Variants in MCTP1 observed in about 807,000 individuals in gnomAD.
The protein encoded by MCTP1 is multiple C2 and transmembrane domain containing 1, also known as multiple C2 and transmembrane domain-containing protein 1.
MCTP1 carries 69 observed loss-of-function variants against 120.6 expected under a neutral mutation model. The ratio of observed to expected loss-of-function variants is 0.57; its 90% CI spans 0.47 to 0.70. MCTP1 has a LOEUF of 0.70. Among genes scored for constraint, MCTP1 ranks in the 30% least tolerant of loss-of-function variants. The pLI is 0.00. For synonymous variants in MCTP1, 529 were observed against 493.1 expected (o/e 1.07, Z -0.96); for missense variants, 1,203 against 1,248.8 (o/e 0.96, Z 0.55).
At chr5:95,216,425 G>A (rs1032537450) in intron 1 of MCTP1, among the ~76,000 whole-genome samples, 4 of 152,138 alleles carry the variant, frequency 2.6e-5, no homozygotes, top group African/African-American at 9.7e-5. Context: ...CTATCCTGTA[G>A]GTTGTCCATT....
chr5:95,069,867 T>TTTTTTA (rs1054754625), intron 1 of MCTP1, among the ~76,000 whole-genome samples: 8 of 151,960 alleles, frequency 5.3e-5, no homozygotes, highest in Non-Finnish European at 1.2e-4. Context: ...CCCGGCTATT[T>TTTTTTA]TTTTTATTTT....
intron 19 of MCTP1, among the ~76,000 whole-genome samples, chr5:94,777,306 TG>T (rs1404915893): frequency 6.6e-6 from 1 of 152,196 alleles, no homozygotes; most frequent in Non-Finnish European, 1.5e-5. Context: ...TCCAGAGATT[TG>T]GTGTTGTTTC....
At chr5:95,009,150 T>C (rs1003224189) in intron 2 of MCTP1, among the ~76,000 whole-genome samples, 1 of 150,890 alleles carries the variant, frequency 6.6e-6, no homozygotes, top group Non-Finnish European at 1.5e-5. Flanking sequence ...TCTTGATTGT[T>C]GGAGTCCTGG....
chr5:94,872,741 G>A (rs773857604), intron 13 of MCTP1, among the ~76,000 whole-genome samples: 35 of 152,132 alleles, frequency 2.3e-4, no homozygotes, highest in African/African-American at 4.6e-4. Context: ...AGCATCTGCC[G>A]AATTCGAGAC....
At chr5:95,035,988 G>A (rs1841229229) in intron 1 of MCTP1, among the ~76,000 whole-genome samples, 1 of 151,902 alleles carries the variant, frequency 6.6e-6, no homozygotes, top group Non-Finnish European at 1.5e-5. Context: ...AGTATTTATT[G>A]GACCTGAGAA....
At chr5:95,037,539 TA>T (rs1841559896) in intron 1 of MCTP1, among the ~76,000 whole-genome samples, 1 of 152,178 alleles carries the variant, frequency 6.6e-6, no homozygotes, top group Non-Finnish European at 1.5e-5. Flanking sequence ...ATGTGTAGTA[TA>T]TATTGGTCTA....
chr5:95,091,512 G>A (rs936100308), intron 1 of MCTP1, among the ~76,000 whole-genome samples: 4 of 152,098 alleles, frequency 2.6e-5, no homozygotes, highest in Non-Finnish European at 5.9e-5. Flanking sequence ...AAAAGGTTGT[G>A]CAGCTACCCC....
chr5:94,946,161 G>T (rs1818861142), intron 3 of MCTP1, among the ~76,000 whole-genome samples: 2 of 152,190 alleles, frequency 1.3e-5, no homozygotes, highest in African/African-American at 4.8e-5. Flanking sequence ...TGCCTCTCCA[G>T]TTCTCTATCA....
intron 2 of MCTP1, among the ~76,000 whole-genome samples, chr5:95,010,800 T>C (rs1562012395): frequency 6.6e-6 from 1 of 152,120 alleles, no homozygotes; most frequent in Non-Finnish European, 1.5e-5. Flanking sequence ...TTTGATACTA[T>C]AAGAAAATCA....
In MCTP1 at chr5:95,211,890, G is replaced by A. The variant is rs181598344; in HGVS notation, c.720+71966C>T. ...CTTTCTGTTTGTTAGTTTTCCTTCT[G>A]ACAGACAGGACCCTCAGCTGCAGGT... On this transcript the variant is annotated intron_variant, in intron 1 of 22. Coordinates refer to ENST00000515393, the MANE Select transcript of MCTP1 (RefSeq NM_024717.7). 5.1e-4 allele frequency among the ~76,000 whole-genome samples: 77 copies of A among 152,168 alleles called. 1 individual carries two copies. Among genetic ancestry groups the A allele is most frequent in the Non-Finnish European group, 9.0e-4 (61 of 67,980 alleles).
chr5:95,103,724 TC>T (rs1324234398), intron 1 of MCTP1, among the ~76,000 whole-genome samples: 3 of 152,160 alleles, frequency 2.0e-5, no homozygotes, highest in Non-Finnish European at 4.4e-5. Context: ...TGTAGGGGAT[TC>T]CAAGTAATAA....
At chr5:95,283,507 T>C (rs1379778122) in intron 1 of MCTP1, among the ~76,000 whole-genome samples, 1 of 152,228 alleles carries the variant, frequency 6.6e-6, no homozygotes, top group Non-Finnish European at 1.5e-5. Flanking sequence ...GTTTTTAAGT[T>C]ATTGGGTTAG....
At position 95,122,125 on chromosome 5, in the gene MCTP1, A is replaced by G. The variant is rs117563005; in HGVS notation, c.721-104641T>C. Among the ~76,000 whole-genome samples the G allele has an allele frequency of 3.3e-5, 5 of 152,294 alleles. No homozygotes were observed. The East Asian group carries it at 9.6e-4, about 29-fold the overall frequency. ...GAGTAATACCCCACAAGCTCAGGCA[A>G]TCAAACCAAAAATGGACAAATTGGA... On this transcript the variant is annotated intron_variant, in intron 1 of 22. Transcript: ENST00000515393.
intron 5 of MCTP1, among the ~76,000 whole-genome samples, chr5:94,938,863 C>T (rs938012142): frequency 3.3e-5 from 5 of 152,024 alleles, no homozygotes; most frequent in East Asian, 3.9e-4. Context: ...TCTAAGATGA[C>T]GGGCTTTCAT....
At chr5:94,734,275 A>AT (rs1763722620) in intron 19 of MCTP1, among the ~76,000 whole-genome samples, 1 of 152,160 alleles carries the variant, frequency 6.6e-6, no homozygotes, top group Non-Finnish European at 1.5e-5. Context: ...AATCATTAAT[A>AT]TTTTTTAGGA....
intron 1 of MCTP1, chr5:95,081,661 C>T: frequency 7.6e-7 from 1 of 1,322,674 alleles, no homozygotes; most frequent in Middle Eastern, 2.4e-4. Context: ...TAAGAAGAAC[C>T]CGTGATGTTT....
At chr5:95,051,428 A>G (rs577767548) in intron 1 of MCTP1, among the ~76,000 whole-genome samples, 1 of 152,216 alleles carries the variant, frequency 6.6e-6, no homozygotes, top group South Asian at 2.1e-4. Flanking sequence ...GGTCACCCAG[A>G]TCTGTGACAG....
At chr5:95,117,954 G>A (rs911022717) in intron 1 of MCTP1, among the ~76,000 whole-genome samples, 1 of 152,158 alleles carries the variant, frequency 6.6e-6, no homozygotes, top group African/African-American at 2.4e-5. Context: ...ATAAATGGGA[G>A]CTGAACAATG....
intron 10 of MCTP1, among the ~76,000 whole-genome samples, chr5:94,907,249 A>G (rs1807151708): frequency 6.6e-6 from 1 of 152,248 alleles, no homozygotes; most frequent in Non-Finnish European, 1.5e-5. Flanking sequence ...ATGATGATGC[A>G]TCATAGTTAT....
Sources: allele counts gnomAD v4.1 joint callset (sites outside exome capture counted in the v4.1 genomes callset), GRCh38; gene constraint gnomAD v4.1.1; transcripts MANE v1.5; gene names NCBI Gene and HGNC (gene_info 2026-07-23, HGNC 2026-07-21).